Variants in C11orf65 observed in about 807,000 individuals in gnomAD.
C11orf65 encodes chromosome 11 open reading frame 65.
In C11orf65, 38 loss-of-function variants were observed where a neutral mutation model predicts 35.3. That is an observed-to-expected ratio of 1.08 (90% confidence interval 0.83 to 1.41). C11orf65 has a LOEUF of 1.41. Ranked by LOEUF, C11orf65 falls within the 40% of genes most tolerant of loss-of-function variation. The pLI is 0.00. For synonymous variants in C11orf65, 105 were observed against 114.4 expected (o/e 0.92, Z 0.53); for missense variants, 370 against 367.1 (o/e 1.01, Z -0.06).
intron 6 of C11orf65, among the ~76,000 whole-genome samples, chr11:108,397,247 A>T (rs2092334285): frequency 6.6e-6 from 1 of 150,516 alleles, no homozygotes; most frequent in Admixed American, 6.7e-5. Flanking sequence ...TTGAACCCAG[A>T]GGCAGAGGTT....
rs532294592 is a variant in C11orf65, at chr11:108,424,109, G to A, written c.174+7637C>T. ...TAGAAGGTGGATAACAAACTCCTCC[G>A]AGCTAAAGGAGCATGTTCTAGCCCA... On this transcript the variant is annotated intron_variant, in intron 3 of 8. Coordinates refer to ENST00000393084, the MANE Select transcript of C11orf65 (RefSeq NM_152587.5). Among the ~76,000 whole-genome samples the A allele has an allele frequency of 6.6e-5, 10 of 152,218 alleles. No homozygotes were observed. The East Asian group carries it at 1.2e-3, about 18-fold the overall frequency.
rs1260186462 is a variant in C11orf65 at position 108,382,834 on chromosome 11, A to G, written c.*187T>C. On this transcript the variant is annotated 3_prime_UTR_variant, in exon 9 of 9. Transcript: ENST00000393084. ...TCTCAGAATACTAGGAATAATTTCT[A>G]TATTTGCCATGATCATTGTATTCAG... 21 of 984,270 alleles carry G rather than the reference A, an allele frequency of 2.1e-5. No individual in the cohort carries two copies. The highest frequency in any genetic ancestry group is 5.2e-5 in the African/African-American group (3 of 57,230). The allele number at this position is 984,270 out of a possible 1,614,324, so 61.0% of individuals were successfully genotyped here.
intron 3 of C11orf65, among the ~76,000 whole-genome samples, chr11:108,415,492 G>A (rs114310603): frequency 2.6e-4 from 40 of 152,230 alleles, no homozygotes; most frequent in African/African-American, 8.7e-4. Context: ...CCATACACCC[G>A]AATAGGAAGA....
intron 6 of C11orf65, chr11:108,317,335 T>C (rs2084766143): frequency 3.8e-6 from 6 of 1,597,346 alleles, no homozygotes; most frequent in Middle Eastern, 3.3e-4. Context: ...TTGATATCTT[T>C]GATTACTTAA....
At chr11:108,324,387 A>G (rs2085455006) in intron 6 of C11orf65, among the ~76,000 whole-genome samples, 1 of 152,116 alleles carries the variant, frequency 6.6e-6, no homozygotes. Context: ...TAGTAGATTT[A>G]TTATTTTTGA....
chr11:108,313,821 A>T (rs576709238), intron 6 of C11orf65, among the ~76,000 whole-genome samples: 5 of 152,326 alleles, frequency 3.3e-5, no homozygotes, highest in Non-Finnish European at 7.3e-5. Context: ...AGCACCATAT[A>T]GGCAGTTCAA....
At chr11:108,313,355 T>C (rs1196467721) in intron 6 of C11orf65, among the ~76,000 whole-genome samples, 1 of 152,190 alleles carries the variant, frequency 6.6e-6, no homozygotes, top group Admixed American at 6.6e-5. Flanking sequence ...ACCCTCTCTC[T>C]TCCTTCCTCT....
chr11:108,441,700 C>G (rs1289585230), intron 2 of C11orf65, among the ~76,000 whole-genome samples: 1 of 152,212 alleles, frequency 6.6e-6, no homozygotes. Flanking sequence ...TGGTGATACC[C>G]AGGCAAACAA....
chr11:108,443,474 C>A (rs1168643966), intron 2 of C11orf65, among the ~76,000 whole-genome samples: 1 of 152,148 alleles, frequency 6.6e-6, no homozygotes, highest in Non-Finnish European at 1.5e-5. Flanking sequence ...ACCAAGCAGA[C>A]CTCATAGACA....
rs547667907 is a variant in C11orf65, at chr11:108,354,932, T to C, written c.227-19640A>G. ...TTTCTTACCAGGTAGACTGTGTATC[T>C]CATCAGGAAGTCACTGATGTGAAGA... On this transcript the variant is annotated intron_variant, in intron 2 of 3. Transcript: ENST00000524755. 759 of 1,429,594 alleles carry C rather than the reference T, an allele frequency of 5.3e-4. 20 individuals are homozygous for C. The South Asian group carries it at 7.8e-3, about 15-fold the overall frequency. 88.6% of individuals were successfully genotyped at this position (1,429,594 alleles called of 1,614,324 possible).
chr11:108,376,955 C>G lies in C11orf65; in HGVS notation c.226+16253G>C, dbSNP rs227081. ...GAAGAAGTTGAATCTCTGAATAGAC[C>G]AATAACAGGATCTGAAATTGTGGCA... On this transcript the variant is annotated intron_variant, in intron 2 of 3. Transcript: ENST00000524755. Among the ~76,000 whole-genome samples the G allele has an allele frequency of 4.7e-3, 719 of 152,076 alleles. 6 individuals carry two copies. Among genetic ancestry groups the G allele is most frequent in the South Asian group, 8.5e-3 (41 of 4,808 alleles).
chr11:108,395,382 T>C (rs1414831017), intron 6 of C11orf65, among the ~76,000 whole-genome samples: 1 of 151,068 alleles, frequency 6.6e-6, no homozygotes, highest in Non-Finnish European at 1.5e-5. Flanking sequence ...TGGAGTGCAG[T>C]GATGTGATCT....
At chr11:108,445,792 G>A (rs1418558994) in intron 2 of C11orf65, among the ~76,000 whole-genome samples, 1 of 151,238 alleles carries the variant, frequency 6.6e-6, no homozygotes, top group Non-Finnish European at 1.5e-5. Flanking sequence ...GACGAGCTGA[G>A]AGAAGAAGGC....
chr11:108,445,648 T>C (rs1022009006), intron 2 of C11orf65, among the ~76,000 whole-genome samples: 2 of 151,610 alleles, frequency 1.3e-5, no homozygotes, highest in South Asian at 4.2e-4. Flanking sequence ...ACACCAAAAG[T>C]AGATAAAACC....
chr11:108,337,395 T>A (rs1220397532), intron 2 of C11orf65, among the ~76,000 whole-genome samples: 1 of 152,256 alleles, frequency 6.6e-6, no homozygotes, highest in Non-Finnish European at 1.5e-5. Context: ...CTATAAAGGC[T>A]ACTCTGTAGA....
At chr11:108,423,780 G>A (rs192493192) in intron 3 of C11orf65, among the ~76,000 whole-genome samples, 1,742 of 152,252 alleles carry the variant, frequency 0.011, 37 homozygotes, top group African/African-American at 0.04. Context: ...GGTCTGGAGT[G>A]GAACTCCAGC....
At chr11:108,436,340 C>T (rs994913653) in intron 2 of C11orf65, among the ~76,000 whole-genome samples, 2 of 150,070 alleles carry the variant, frequency 1.3e-5, no homozygotes, top group African/African-American at 5.1e-5. Context: ...GCAATTTTTA[C>T]AGTAGCATTA....
intron 2 of C11orf65, among the ~76,000 whole-genome samples, chr11:108,371,808 C>G (rs969679649): frequency 2.0e-5 from 3 of 152,204 alleles, no homozygotes; most frequent in Non-Finnish European, 4.4e-5. Flanking sequence ...AGCCACCATA[C>G]TGTTTTTCCA....
chr11:108,345,844 G>C lies in C11orf65; in HGVS notation c.227-10552C>G, dbSNP rs752652869. ...GTTACTTCTGCATGGAAAAATTCTTGGATCCAGCTATTTGGTTTGAGAAGC... is the reference window on the plus strand; with the variant it reads ...GTTACTTCTGCATGGAAAAATTCTTCGATCCAGCTATTTGGTTTGAGAAGC... On this transcript the variant is annotated intron_variant, in intron 2 of 3. Coordinates refer to the C11orf65 transcript ENST00000524755. 14 of 1,613,696 alleles carry C rather than the reference G, an allele frequency of 8.7e-6. No homozygotes were observed. The African/African-American group carries it at 1.1e-4, about 12-fold the overall frequency.
Sources: allele counts gnomAD v4.1 joint callset (sites outside exome capture counted in the v4.1 genomes callset), GRCh38; gene constraint gnomAD v4.1.1; transcripts MANE v1.5; gene names NCBI Gene and HGNC (gene_info 2026-07-23, HGNC 2026-07-21).